CNTN5: variants seen among roughly 807,000 people sequenced by gnomAD.
The protein encoded by CNTN5 is contactin 5.
Under a neutral mutation model 129.1 loss-of-function variants are expected in CNTN5, and 77 were observed. The observed-to-expected ratio is 0.60, with a 90% CI of 0.50 to 0.72. The LOEUF is 0.72. Ranked by LOEUF, CNTN5 falls within the 30% of genes least tolerant of loss-of-function variation. The probability of loss-of-function intolerance (pLI) is 0.00; values close to 1 mark genes in which losing one functional copy is unlikely to be tolerated. For missense variants in CNTN5, 1,478 were observed against 1,328.8 expected, an observed-to-expected ratio of 1.11 and a Z score of -1.75; for synonymous variants, 509 against 465.6, an observed-to-expected ratio of 1.09 and a Z score of -1.20.
chr11:99,047,093 T>C (rs1041454846), intron 1 of CNTN5, among the ~76,000 whole-genome samples: 1 of 152,004 alleles, frequency 6.6e-6, no homozygotes, highest in Non-Finnish European at 1.5e-5. Flanking sequence ...AGAGAGAAAG[T>C]ATGAATTTTG....
intron 3 of CNTN5, among the ~76,000 whole-genome samples, chr11:99,717,712 A>G (rs1943025060): frequency 6.6e-6 from 1 of 152,144 alleles, no homozygotes; most frequent in African/African-American, 2.4e-5. Context: ...GCAAGATGAT[A>G]GAAAAATGTA....
intron 3 of CNTN5, among the ~76,000 whole-genome samples, chr11:99,609,038 A>T (rs1950517354): frequency 1.3e-5 from 2 of 152,318 alleles, no homozygotes; most frequent in South Asian, 4.1e-4. Flanking sequence ...TGCCAGTTTC[A>T]CATGACTATT....
At chr11:100,282,523 G>A (rs1950661985) in intron 18 of CNTN5, among the ~76,000 whole-genome samples, 1 of 152,188 alleles carries the variant, frequency 6.6e-6, no homozygotes, top group African/African-American at 2.4e-5. Context: ...GAACTGTGCT[G>A]GGTCAGACCT....
chr11:99,967,477 C>A (rs937332244), intron 8 of CNTN5, among the ~76,000 whole-genome samples: 17 of 152,142 alleles, frequency 1.1e-4, no homozygotes, highest in Non-Finnish European at 5.9e-5. Flanking sequence ...AAAACTGACA[C>A]AGATTCTGTC....
intron 3 of CNTN5, among the ~76,000 whole-genome samples, chr11:99,788,967 G>T (rs1945638292): frequency 6.6e-6 from 1 of 151,626 alleles, no homozygotes; most frequent in African/African-American, 2.4e-5. Context: ...AAATCTAGTA[G>T]CTTAATATTT....
chr11:99,919,815 T>C (rs1422871468), intron 7 of CNTN5, among the ~76,000 whole-genome samples: 1 of 151,282 alleles, frequency 6.6e-6, no homozygotes, highest in Non-Finnish European at 1.5e-5. Context: ...TATTTTATTT[T>C]ATTTTATTTT....
intron 7 of CNTN5, among the ~76,000 whole-genome samples, chr11:99,931,280 G>A (rs960798690): frequency 2.0e-5 from 3 of 152,138 alleles, no homozygotes; most frequent in Non-Finnish European, 2.9e-5. Context: ...AACTCAATGT[G>A]TTTCAGAGTC....
intron 3 of CNTN5, among the ~76,000 whole-genome samples, chr11:99,725,256 A>G (rs73552019): frequency 1.0e-3 from 153 of 152,300 alleles, no homozygotes; most frequent in African/African-American, 3.7e-3. Context: ...AAGAATAAAA[A>G]GCAACAATGA....
intron 13 of CNTN5, among the ~76,000 whole-genome samples, chr11:100,156,628 G>A (rs1210696510): frequency 6.6e-6 from 1 of 151,996 alleles, no homozygotes; most frequent in Non-Finnish European, 1.5e-5. Context: ...AATCTGTCTG[G>A]TCCTGGGCTT....
intron 15 of CNTN5, among the ~76,000 whole-genome samples, chr11:100,204,295 CTAATATATATATATAT>C (rs1183609157): frequency 9.0e-4 from 25 of 27,708 alleles, no homozygotes; most frequent in South Asian, 3.9e-3. Flanking sequence ...CAAACATTGA[CTAATATATATATATAT>C]ATATATATAT....
intron 2 of CNTN5, among the ~76,000 whole-genome samples, chr11:99,462,892 C>CT (rs1944769498): frequency 6.6e-6 from 1 of 151,818 alleles, no homozygotes; most frequent in African/African-American, 2.4e-5. Flanking sequence ...CGAGACCAGC[C>CT]GGATAAACAC....
chr11:99,641,168 T>G (rs1042523381), intron 3 of CNTN5, among the ~76,000 whole-genome samples: 4 of 152,146 alleles, frequency 2.6e-5, no homozygotes, highest in Non-Finnish European at 2.9e-5. Context: ...AAATTGAGAT[T>G]TAAACTATCA....
At chr11:99,494,856 A>G (rs1352413543) in intron 2 of CNTN5, among the ~76,000 whole-genome samples, 2 of 152,226 alleles carry the variant, frequency 1.3e-5, no homozygotes, top group Non-Finnish European at 2.9e-5. Flanking sequence ...ATGAAAGCCT[A>G]CTTTTAAAAG....
chr11:99,728,203 T>C (rs1482540471), intron 3 of CNTN5, among the ~76,000 whole-genome samples: 1 of 151,398 alleles, frequency 6.6e-6, no homozygotes, highest in East Asian at 1.9e-4. Flanking sequence ...TGATCATACA[T>C]GAGAGAGAGA....
intron 2 of CNTN5, among the ~76,000 whole-genome samples, chr11:99,463,148 A>AAATAAAT (rs756861193): frequency 0.091 from 6,158 of 67,368 alleles, 189 homozygotes; most frequent in Non-Finnish European, 0.12. Flanking sequence ...AATAAATAAA[A>AAATAAAT]GTAAAAAAGT....
At chr11:99,836,127 T>G (rs933373118) in intron 4 of CNTN5, among the ~76,000 whole-genome samples, 2 of 151,602 alleles carry the variant, frequency 1.3e-5, no homozygotes. Flanking sequence ...TCCCCTTGTT[T>G]TTTTTTTTTT....
chr11:99,050,047 T>C (rs1864365413), intron 1 of CNTN5, among the ~76,000 whole-genome samples: 1 of 152,114 alleles, frequency 6.6e-6, no homozygotes, highest in Non-Finnish European at 1.5e-5. Flanking sequence ...TACTTTTTGT[T>C]TTATAGCAAA....
chr11:100,200,641 C>G (rs1371860205), intron 15 of CNTN5, among the ~76,000 whole-genome samples: 3 of 151,654 alleles, frequency 2.0e-5, no homozygotes, highest in Admixed American at 2.0e-4. Context: ...CGGGGGCATG[C>G]TTGGAAATAT....
chr11:99,916,411 A>G (rs1949791680), intron 7 of CNTN5, among the ~76,000 whole-genome samples: 1 of 152,164 alleles, frequency 6.6e-6, no homozygotes, highest in South Asian at 2.1e-4. Flanking sequence ...TCAGTGAAGA[A>G]TATATTGCCT....
Sources: allele counts gnomAD v4.1 joint callset (sites outside exome capture counted in the v4.1 genomes callset), GRCh38; gene constraint gnomAD v4.1.1; transcripts MANE v1.5; gene names NCBI Gene and HGNC (gene_info 2026-07-23, HGNC 2026-07-21).